The following ADAMTSL3 variants were observed in gnomAD, a reference collection of about 807,000 sequenced individuals.
ADAMTSL3 encodes the protein ADAMTS-like protein 3.
ADAMTSL3 carries 128 observed loss-of-function variants against 201.7 expected under a neutral mutation model. That is an observed-to-expected ratio of 0.63 (90% CI 0.55 to 0.73). The LOEUF (loss-of-function observed/expected upper bound fraction) is 0.73. ADAMTSL3 is among the 30% of genes least tolerant of loss of function. ADAMTSL3 has a pLI of 0.00. For missense variants in ADAMTSL3, 1,990 were observed against 2,119.6 expected, an observed-to-expected ratio of 0.94 and a Z score of 1.20; for synonymous variants, 738 against 748.4, an observed-to-expected ratio of 0.99 and a Z score of 0.23.
At chr15:83,827,184 C>G (rs1355567473) in intron 6 of ADAMTSL3, among the ~76,000 whole-genome samples, 2 of 152,170 alleles carry the variant, frequency 1.3e-5, no homozygotes, top group Non-Finnish European at 2.9e-5. Context: ...TGTTTCCTGA[C>G]TTTTTAATGA....
At chr15:83,729,072 T>C (rs1038856162) in intron 3 of ADAMTSL3, among the ~76,000 whole-genome samples, 1 of 152,088 alleles carries the variant, frequency 6.6e-6, no homozygotes, top group Non-Finnish European at 1.5e-5. Context: ...TTTACATATG[T>C]GATGTTACTC....
At chr15:83,965,277 C>G (rs531509063) in intron 19 of ADAMTSL3, among the ~76,000 whole-genome samples, 1 of 148,758 alleles carries the variant, frequency 6.7e-6, no homozygotes, top group African/African-American at 2.5e-5. Flanking sequence ...TCAGGAGACC[C>G]ATCTCATGTG....
chr15:83,668,068 C>T (rs1466597774), intron 2 of ADAMTSL3, among the ~76,000 whole-genome samples: 1 of 152,042 alleles, frequency 6.6e-6, no homozygotes, highest in Non-Finnish European at 1.5e-5. Flanking sequence ...ACCCCATGTC[C>T]TCTTTATGCT....
intron 23 of ADAMTSL3, among the ~76,000 whole-genome samples, chr15:83,991,825 AG>A (rs1205748090): frequency 1.3e-5 from 2 of 152,154 alleles, no homozygotes; most frequent in Non-Finnish European, 2.9e-5. Flanking sequence ...GCCTTAATCT[AG>A]GGCCATCCTG....
chr15:83,903,917 CAAAAAAAAAAAAAAAAAAAAAA>C lies in ADAMTSL3; in HGVS notation c.1700+4192_1700+4213del, dbSNP rs1168502648. ...TGGGTGACAGTGCCAGACTCCACAT[CAAAAAAAAAAAAAAAAAAAAAA>C]AAAAAGAAAAAAGAAAGAAAGAAAG... On this transcript the variant is annotated intron_variant, in intron 15 of 29. Coordinates refer to ENST00000286744, the MANE Select transcript of ADAMTSL3 (RefSeq NM_207517.3). Among the ~76,000 whole-genome samples the C allele has an allele frequency of 5.0e-3, 96 of 19,264 alleles. 10 individuals carry two copies. The highest frequency in any genetic ancestry group is 0.062 in the Middle Eastern group (1 of 16). 12.6% of individuals were successfully genotyped at this position (19,264 alleles called of 152,430 possible).
chr15:83,929,753 G>C (rs1567243055), intron 17 of ADAMTSL3, among the ~76,000 whole-genome samples: 3 of 148,816 alleles, frequency 2.0e-5, no homozygotes, highest in Non-Finnish European at 3.0e-5. Flanking sequence ...CACACACAGA[G>C]AGACAGAGAG....
intron 15 of ADAMTSL3, 45 bp from the exon 16 acceptor site, chr15:83,913,047 A>G (rs1323875452): frequency 1.9e-6 from 3 of 1,585,880 alleles, no homozygotes; most frequent in South Asian, 2.3e-5. Flanking sequence ...CCTATATTTA[A>G]TGACCCTCAG....
intron 19 of ADAMTSL3, among the ~76,000 whole-genome samples, chr15:83,966,513 T>A (rs142319871): frequency 0.023 from 3,437 of 152,160 alleles, 117 homozygotes; most frequent in African/African-American, 0.079. Context: ...CAATAACAAG[T>A]TCTGAAATTG....
intron 2 of ADAMTSL3, chr15:83,694,504 T>C (rs1192759705): frequency 6.6e-6 from 1 of 152,216 alleles, no homozygotes; most frequent in African/African-American, 2.4e-5. Flanking sequence ...TATTTCCATG[T>C]GACATTTTGC....
In ADAMTSL3 at chr15:83,982,420, T is replaced by TAATA; in HGVS notation, c.2792_2793insAATA (p.Lys933TyrfsTer2). 6.2e-7 allele frequency: 1 copy of TAATA among 1,614,164 alleles called. No individual in the cohort carries two copies. Among genetic ancestry groups the TAATA allele is most frequent in the Non-Finnish European group, 8.5e-7 (1 of 1,180,020 alleles). On this transcript the variant is annotated frameshift_variant, in exon 21 of 30. Transcript: ENST00000286744. LOFTEE classifies it high-confidence loss of function. The stretch of plus-strand genomic sequence containing the variant: ...TATTTGCTGCCCAACACATCCGTGA[T>TAATA]TATTAAGTGCCCCGTGCGACGATTC...
intron 20 of ADAMTSL3, among the ~76,000 whole-genome samples, chr15:83,978,674 T>C (rs2067331354): frequency 6.6e-6 from 1 of 152,210 alleles, no homozygotes; most frequent in South Asian, 2.1e-4. Context: ...CTGTGGAACC[T>C]GGCAGCCTGG....
intron 9 of ADAMTSL3, among the ~76,000 whole-genome samples, chr15:83,876,559 G>A (rs2065180835): frequency 6.6e-6 from 1 of 152,034 alleles, no homozygotes; most frequent in Non-Finnish European, 1.5e-5. Flanking sequence ...TTGTATCCTG[G>A]TTGAGAAATC....
At chr15:83,740,404 T>C (rs1478434423) in intron 3 of ADAMTSL3, among the ~76,000 whole-genome samples, 2 of 152,202 alleles carry the variant, frequency 1.3e-5, no homozygotes, top group Non-Finnish European at 2.9e-5. Context: ...TAAAAATACC[T>C]TTTTATGGGT....
intron 2 of ADAMTSL3, among the ~76,000 whole-genome samples, chr15:83,703,513 T>C (rs538781561): frequency 6.6e-6 from 1 of 152,082 alleles, no homozygotes; most frequent in East Asian, 1.9e-4. Flanking sequence ...AGGGACAGTT[T>C]CCCCCATACT....
At chr15:83,986,889 A>G (rs970940930) in intron 21 of ADAMTSL3, among the ~76,000 whole-genome samples, 1 of 152,208 alleles carries the variant, frequency 6.6e-6, no homozygotes, top group Non-Finnish European at 1.5e-5. Flanking sequence ...GGCCAAGGTC[A>G]TATGTGTTAC....
chr15:83,681,833 C>T (rs746044877), intron 2 of ADAMTSL3, among the ~76,000 whole-genome samples: 17 of 152,186 alleles, frequency 1.1e-4, no homozygotes, highest in Non-Finnish European at 1.0e-4. Flanking sequence ...GCTAACCCTC[C>T]ATATCAAGGA....
chr15:83,739,925 C>T (rs1273783187), intron 3 of ADAMTSL3: 1 of 567,122 alleles, frequency 1.8e-6, no homozygotes, highest in Non-Finnish European at 3.5e-6. Context: ...GAAGACGCAT[C>T]CTTCAACACC....
intron 8 of ADAMTSL3, among the ~76,000 whole-genome samples, chr15:83,867,292 A>G (rs1398221762): frequency 6.6e-6 from 1 of 152,206 alleles, no homozygotes. Context: ...CATACTGCCT[A>G]GAGGTGTTTG....
intron 7 of ADAMTSL3, among the ~76,000 whole-genome samples, chr15:83,855,584 T>C (rs1201758464): frequency 6.6e-6 from 1 of 152,164 alleles, no homozygotes; most frequent in Non-Finnish European, 1.5e-5. Flanking sequence ...GTTTGCACTA[T>C]GATTACGGGC....
Sources: allele counts gnomAD v4.1 joint callset (sites outside exome capture counted in the v4.1 genomes callset), GRCh38; gene constraint gnomAD v4.1.1; transcripts MANE v1.5; gene names NCBI Gene and HGNC (gene_info 2026-07-23, HGNC 2026-07-21).